The following OTC variants were observed in gnomAD, a reference collection of about 807,000 sequenced individuals.
OTC encodes ornithine transcarbamylase, mitochondrial.
In OTC, 3 loss-of-function variants were observed where a neutral mutation model predicts 30.3. The ratio of observed to expected loss-of-function variants is 0.10; its 90% CI spans 0.05 to 0.26. The LOEUF (loss-of-function observed/expected upper bound fraction) is 0.26. Among genes scored for constraint, OTC ranks in the 10% least tolerant of loss-of-function variants. The pLI is 1.00. For synonymous variants in OTC, 111 were observed against 99.7 expected, an observed-to-expected ratio of 1.11 and a Z score of -0.67; for missense variants, 194 against 260.3, an observed-to-expected ratio of 0.75 and a Z score of 1.75.
intron 2 of OTC, 100 bp downstream of exon 2, chrX:38,367,529 A>G (rs1407213341): frequency 1.4e-5 from 10 of 717,200 alleles, no homozygotes; most frequent in Non-Finnish European, 2.2e-5. Context: ...TAAAATTCTT[A>G]AACAGTAGCT....
chrX:38,412,774 G>A (rs2068550332), intron 9 of OTC, among the ~76,000 whole-genome samples: 1 of 111,956 alleles, frequency 8.9e-6, no homozygotes, highest in Admixed American at 9.5e-5. Flanking sequence ...GGAAAGTAAT[G>A]TATTAAGAGA....
In OTC at chrX:38,410,922, T is replaced by G. The variant is rs918670059; in HGVS notation, c.868-940T>G. The stretch of plus-strand genomic sequence containing the variant: ...TAGTACAAAGGCAGTAATTTTGAGG[T>G]AAGAAAGTATGAAGGAATGTAGTTT... On this transcript the variant is annotated intron_variant, in intron 8 of 9. Coordinates refer to ENST00000039007, the MANE Select transcript of OTC (RefSeq NM_000531.6). Among the ~76,000 whole-genome samples the G allele has an allele frequency of 2.7e-5, 3 of 111,943 alleles. No homozygotes were observed. In the East Asian group the frequency reaches 8.3e-4, roughly 31 times the overall value.
rs1378790113 is a variant in OTC, at chrX:38,408,769, A to C, written c.691A>C (p.Lys231Gln). ...TTATGAGCCGGATGCTAGTGTAACC[A>C]AGTTGGCAGAGCAGTATGCCAAAGA... The part of the protein sequence containing the change: ...KGYEPDASVT[K>Q]LAEQYAKENG... The change falls in exon 7 of 10, where the codon AAG becomes CAG. Residue 231 changes from lysine (K) to glutamine (Q), a missense_variant. Physicochemically the swap from Lys to Gln is moderately conservative, Grantham distance 53. Transcript: ENST00000039007. The C allele has an allele frequency of 1.7e-6, 2 of 1,205,282 alleles. No individual in the cohort carries two copies. Among genetic ancestry groups the C allele is most frequent in the South Asian group, 3.5e-5 (2 of 56,799 alleles).
intron 4 of OTC, chrX:38,395,486 C>T: frequency 8.3e-6 from 1 of 121,178 alleles, no homozygotes; most frequent in Admixed American, 9.1e-5. Context: ...GCCATCACAA[C>T]CAGGTAGAAA....
chrX:38,400,977 C>T (rs1488387324), intron 4 of OTC, among the ~76,000 whole-genome samples: 1 of 112,181 alleles, frequency 8.9e-6, no homozygotes, highest in Non-Finnish European at 1.9e-5. Flanking sequence ...TGGTCTTGTC[C>T]CTTTTAACCA....
At chrX:38,363,144 T>C (rs1170619504) in intron 1 of OTC, among the ~76,000 whole-genome samples, 1 of 111,539 alleles carries the variant, frequency 9.0e-6, no homozygotes, top group African/African-American at 3.3e-5. Flanking sequence ...AGACAAAAAA[T>C]TGAGGGCCTC....
intron 3 of OTC, among the ~76,000 whole-genome samples, chrX:38,377,073 C>A (rs1170836314): frequency 9.0e-6 from 1 of 111,537 alleles, no homozygotes; most frequent in African/African-American, 3.3e-5. Context: ...ATCAAGGATA[C>A]AAAACAAGTA....
At chrX:38,378,628 G>A (rs1388759250) in intron 3 of OTC, among the ~76,000 whole-genome samples, 1 of 112,005 alleles carries the variant, frequency 8.9e-6, no homozygotes, top group Non-Finnish European at 1.9e-5. Flanking sequence ...GCCTAGAACA[G>A]CACCAGGCAC....
rs764551624 is a variant in OTC at position 38,381,324 on chromosome X, C to CT, written c.299-8dup. ...GTTGTTTTTTCAAAATGATTTTTTT[C>CT]TTTTTTTTTTATTGTAGGCTTTGCA... On this transcript the variant is annotated splice_polypyrimidine_tract_variant and intron_variant, in intron 3 of 9. Transcript: ENST00000039007. 4.5e-3 allele frequency: 4,016 copies of CT among 900,872 alleles called. No homozygotes were observed. The highest frequency in any genetic ancestry group is 5.0e-3 in the Non-Finnish European group (3,295 of 660,990). 74.2% of individuals were successfully genotyped at this position (900,872 alleles called of 1,213,427 possible).
At chrX:38,420,686 C>T (rs2068590706) in intron 9 of OTC, among the ~76,000 whole-genome samples, 1 of 110,623 alleles carries the variant, frequency 9.0e-6, no homozygotes, top group African/African-American at 3.3e-5. Context: ...TGATATTTCT[C>T]TAAAACTAGC....
the OTC span, among the ~76,000 whole-genome samples, chrX:38,343,897 G>C: frequency 4.5e-5 from 5 of 112,061 alleles, no homozygotes; most frequent in Admixed American, 1.9e-4. Flanking sequence ...GGGATGGAGA[G>C]GGGGTCAGAG....
the OTC span, among the ~76,000 whole-genome samples, chrX:38,346,452 A>G: frequency 8.9e-6 from 1 of 112,466 alleles, no homozygotes; most frequent in South Asian, 3.7e-4. Flanking sequence ...CTACTCCTAG[A>G]TAGTTACCCT....
At chrX:38,397,318 CTG>C (rs2068462761) in intron 4 of OTC, among the ~76,000 whole-genome samples, 1 of 112,108 alleles carries the variant, frequency 8.9e-6, no homozygotes, top group Non-Finnish European at 1.9e-5. Context: ...TTTAAGCTGA[CTG>C]TTTTTCTTTC....
the OTC span, among the ~76,000 whole-genome samples, chrX:38,345,348 G>A: frequency 9.0e-6 from 1 of 110,959 alleles, no homozygotes; most frequent in Admixed American, 9.6e-5. Flanking sequence ...TTCCCAAAGT[G>A]ACCTCCTTCC....
Position 38,362,777 on chromosome X carries a change from T to C in OTC, c.78-4514T>C, listed in dbSNP as rs141783660. On this transcript the variant is annotated intron_variant, in intron 1 of 9. Transcript: ENST00000039007. ...GTTACTTTCTCCAGTCTGTCTTCTA[T>C]TGGGGATAATAAGAACTGGAAGCTG... Among the ~76,000 whole-genome samples, 334 of 112,139 alleles carry C rather than the reference T, an allele frequency of 3.0e-3. 1 individual carries two copies. The highest frequency in any genetic ancestry group is 0.01 in the African/African-American group (319 of 30,912).
the OTC span, among the ~76,000 whole-genome samples, chrX:38,339,570 G>A: frequency 1.9e-5 from 2 of 103,490 alleles, no homozygotes; most frequent in South Asian, 9.3e-4. Context: ...TCCTACTAAT[G>A]GGTAGTTTTA....
At chrX:38,420,156 A>C (rs1317373747) in intron 9 of OTC, among the ~76,000 whole-genome samples, 1 of 111,154 alleles carries the variant, frequency 9.0e-6, no homozygotes, top group African/African-American at 3.3e-5. Context: ...AAAAATAATA[A>C]TTTTTAAAAA....
At chrX:38,335,253 G>A in the OTC span, among the ~76,000 whole-genome samples, 1 of 112,200 alleles carries the variant, frequency 8.9e-6, no homozygotes, top group African/African-American at 3.2e-5. Context: ...TTCTTCTTCT[G>A]GTAAATCAGG....
At chrX:38,415,135 A>ATT (rs1172400673) in intron 9 of OTC, among the ~76,000 whole-genome samples, 1 of 109,979 alleles carries the variant, frequency 9.1e-6, no homozygotes, top group East Asian at 2.9e-4. Context: ...TTGGAGTACA[A>ATT]TGGCACGATC....
Sources: gnomAD v4.1 joint callset for allele counts (sites outside exome capture counted in the v4.1 genomes callset) on GRCh38, gnomAD v4.1.1 for gene constraint, MANE v1.5 for transcripts, NCBI Gene and HGNC (gene_info 2026-07-23, HGNC 2026-07-21) for gene names.